The following USH2A variants were observed in gnomAD, a reference collection of about 807,000 sequenced individuals.
USH2A encodes usherin.
USH2A carries 443 observed loss-of-function variants against 538.9 expected under a neutral mutation model. The observed-to-expected ratio is 0.82, with a 90% CI of 0.76 to 0.89. USH2A has a LOEUF of 0.89. USH2A is among the 40% of genes least tolerant of loss of function. USH2A has a pLI of 0.00. For synonymous variants in USH2A, 2,413 were observed against 2,273.5 expected, an observed-to-expected ratio of 1.06 and a Z score of -1.75; for missense variants, 6,633 against 6,324.8, an observed-to-expected ratio of 1.05 and a Z score of -1.65.
Position 215,844,289 on chromosome 1 carries a change from C to G in USH2A, c.9258+5G>C, listed in dbSNP as rs779517417. ...AGCCTAACCATCAAAAAACAATGTT[C>G]TAACCTGAATGTCATAGATAGTGAA... On this transcript the variant is annotated splice_donor_5th_base_variant and intron_variant, in intron 46 of 71. Coordinates refer to ENST00000307340, the MANE Select transcript of USH2A (RefSeq NM_206933.4). The G allele has an allele frequency of 1.2e-6, 2 of 1,613,222 alleles. No individual in the cohort carries two copies. The highest frequency in any genetic ancestry group is 1.7e-5 in the Admixed American group (1 of 59,894).
chr1:215,926,634 T>TTTTTTTTTG (rs1666244487), intron 38 of USH2A, among the ~76,000 whole-genome samples: 1 of 148,048 alleles, frequency 6.8e-6, no homozygotes, highest in Non-Finnish European at 1.5e-5. Flanking sequence ...TTTTTTTTTT[T>TTTTTTTTTG]GAGACAGAGT....
At chr1:215,655,338 A>G (rs1309776652) in intron 64 of USH2A, among the ~76,000 whole-genome samples, 1 of 152,216 alleles carries the variant, frequency 6.6e-6, no homozygotes. Context: ...TTCAATAATC[A>G]TCATAGAGTT....
chr1:215,975,205 T>A (rs976284943), intron 35 of USH2A, among the ~76,000 whole-genome samples: 3 of 152,152 alleles, frequency 2.0e-5, no homozygotes, highest in Non-Finnish European at 4.4e-5. Context: ...GATTTAAGTT[T>A]CTTATAGATT....
intron 21 of USH2A, among the ~76,000 whole-genome samples, chr1:216,167,160 T>C (rs1216888582): frequency 2.0e-5 from 3 of 152,040 alleles, no homozygotes; most frequent in Admixed American, 6.6e-5. Flanking sequence ...ACTTAACATT[T>C]CCCCCACTTC....
At chr1:216,018,540 T>C (rs888966311) in intron 32 of USH2A, among the ~76,000 whole-genome samples, 10 of 152,156 alleles carry the variant, frequency 6.6e-5, no homozygotes, top group African/African-American at 9.7e-5. Flanking sequence ...TTCTCTTTAT[T>C]GTGTCTTACG....
intron 44 of USH2A, among the ~76,000 whole-genome samples, chr1:215,863,938 CAGTAA>C (rs1558133332): frequency 6.6e-6 from 1 of 152,162 alleles, no homozygotes; most frequent in Admixed American, 6.5e-5. Flanking sequence ...TCTTGACAGA[CAGTAA>C]AGTAGACAAT....
At position 215,743,224 on chromosome 1, in the gene USH2A, A is replaced by G. The variant is rs780974837; in HGVS notation, c.11501T>C (p.Leu3834Ser). The change falls in exon 59 of 72, where the codon TTG (leucine) becomes TCG (serine). Residue 3834 changes from leucine to serine, a missense_variant. Leu to Ser is a moderately radical substitution (Grantham distance 145). Transcript: ENST00000307340. ...TATCTCATACTGTGTGAATGGAGTC[A>G]AATTTTCCAGAAGGGTGGATTGATG... is the stretch of plus-strand genomic sequence containing the variant. ...GHHQSTLLENLTPFTQYEIRI... is the reference protein window; with the variant it reads ...GHHQSTLLENSTPFTQYEIRI... 6.2e-7 allele frequency: 1 copy of G among 1,612,598 alleles called. No individual in the cohort carries two copies. Among genetic ancestry groups the G allele is most frequent in the South Asian group, 1.1e-5 (1 of 91,016 alleles).
rs910676485 is a variant in USH2A at position 215,671,397 on chromosome 1, T to C, written c.13812-104A>G. On this transcript the variant is annotated intron_variant, in intron 63 of 71. Transcript: ENST00000307340. The stretch of plus-strand genomic sequence containing the variant: ...TAAAAAAAAAAGACAAGCTTACATG[T>C]ATTCTTATTCACAGCTAATTCTTAA... The C allele has an allele frequency of 9.4e-6, 11 of 1,172,336 alleles. No homozygotes were observed. The South Asian group carries it at 1.2e-4, about 13-fold the overall frequency. The allele number at this position is 1,172,336 out of a possible 1,614,324, so 72.6% of individuals were successfully genotyped here. A position where few individuals can be genotyped will look rare whatever the true frequency, so the allele number is the denominator to read the frequency against.
chr1:216,087,060 C>T (rs2032158462), intron 23 of USH2A: 1 of 474,996 alleles, frequency 2.1e-6, no homozygotes, highest in Non-Finnish European at 3.9e-6. Context: ...ATAGGCACCC[C>T]CTAAGTACTC....
chr1:215,697,827 T>C (rs1333217780), intron 61 of USH2A, among the ~76,000 whole-genome samples: 1 of 152,136 alleles, frequency 6.6e-6, no homozygotes, highest in African/African-American at 2.4e-5. Context: ...AGGCTTTTAT[T>C]TATTTATTTT....
chr1:216,354,160 G>A (rs765282768), intron 4 of USH2A, among the ~76,000 whole-genome samples: 6 of 152,096 alleles, frequency 3.9e-5, no homozygotes, highest in Non-Finnish European at 8.8e-5. Context: ...TAAAGCCCAC[G>A]TACAGATCAA....
intron 21 of USH2A, among the ~76,000 whole-genome samples, chr1:216,097,996 T>C (rs1218588987): frequency 1.4e-5 from 2 of 142,328 alleles, no homozygotes; most frequent in African/African-American, 5.5e-5. Flanking sequence ...TCCAGCCCTA[T>C]GAATGATGCC....
chr1:215,938,643 A>G (rs1333882808), intron 37 of USH2A, among the ~76,000 whole-genome samples: 4 of 152,060 alleles, frequency 2.6e-5, no homozygotes, highest in Admixed American at 2.6e-4. Flanking sequence ...TGTGAGTATA[A>G]GTGGATGGTG....
chr1:215,847,802 G>A (rs1330087282), intron 44 of USH2A, among the ~76,000 whole-genome samples: 1 of 152,112 alleles, frequency 6.6e-6, no homozygotes, highest in Non-Finnish European at 1.5e-5. Flanking sequence ...AGAATAGTAT[G>A]TTTCTTTAAA....
chr1:216,157,575 T>A (rs1238454130), intron 21 of USH2A, among the ~76,000 whole-genome samples: 2 of 152,136 alleles, frequency 1.3e-5, no homozygotes, highest in Non-Finnish European at 2.9e-5. Context: ...TAGGTGCCCA[T>A]CAATGATGGA....
At chr1:216,245,384 G>T (rs4085412) in intron 13 of USH2A, among the ~76,000 whole-genome samples, 4,105 of 151,868 alleles carry the variant, frequency 0.027, 62 homozygotes, top group Middle Eastern at 0.068. Context: ...GCTCTGTTGT[G>T]GCTGGTGGTA....
chr1:215,781,941 G>A (rs1661655038), intron 54 of USH2A, 101 bp downstream of exon 54: 2 of 1,503,890 alleles, frequency 1.3e-6, no homozygotes, highest in East Asian at 4.5e-5. Context: ...CTTTGAGGAG[G>A]GACATTGTTT....
chr1:215,779,742 A>C (rs1270763050), intron 55 of USH2A, 101 bp downstream of exon 55: 8 of 1,400,496 alleles, frequency 5.7e-6, no homozygotes, highest in Non-Finnish European at 7.9e-6. Context: ...GTCCTTTCGA[A>C]GTGACCTCAT....
rs375112693 is a variant in USH2A, at chr1:216,121,974, A to G, written c.4628-24761T>C. On this transcript the variant is annotated intron_variant, in intron 21 of 71. Coordinates refer to ENST00000307340, the MANE Select transcript of USH2A (RefSeq NM_206933.4). ...TAAATCCATTCCAGTGAGGCTCCCA[A>G]GTACCAAAAGGGCTTCATTAAAAGC... is the stretch of plus-strand genomic sequence containing the variant. Among the ~76,000 whole-genome samples, 14 of 152,326 alleles carry G rather than the reference A, an allele frequency of 9.2e-5. 1 individual carries two copies. The highest frequency in any genetic ancestry group is 3.3e-4 in the Admixed American group (5 of 15,300).
Sources: allele counts gnomAD v4.1 joint callset (sites outside exome capture counted in the v4.1 genomes callset), GRCh38; gene constraint gnomAD v4.1.1; transcripts MANE v1.5; gene names NCBI Gene and HGNC (gene_info 2026-07-23, HGNC 2026-07-21).